The following CHRM3 variants were observed in gnomAD, a reference collection of about 807,000 sequenced individuals.
The protein encoded by CHRM3 is cholinergic receptor muscarinic 3, also known as muscarinic acetylcholine receptor M3.
A neutral mutation model predicts 41.8 loss-of-function variants in CHRM3; 11 were observed. The observed-to-expected ratio is 0.26, with a 90% CI of 0.17 to 0.44. The LOEUF is 0.44. Among genes scored for constraint, CHRM3 ranks in the 20% least tolerant of loss-of-function variants. The probability of loss-of-function intolerance (pLI) is 1.00; values close to 1 mark genes in which losing one functional copy is unlikely to be tolerated. For synonymous variants in CHRM3, 297 were observed against 301.4 expected (o/e 0.99, Z 0.15); for missense variants, 571 against 745.4 (o/e 0.77, Z 2.72).
chr1:239,496,094 C>CT (rs1226547257), intron 2 of CHRM3, among the ~76,000 whole-genome samples: 6 of 152,048 alleles, frequency 3.9e-5, no homozygotes, highest in Non-Finnish European at 8.8e-5. Context: ...TAAAATAATA[C>CT]TTTTACGACT....
At chr1:239,624,239 C>A (rs1194430780) in intron 3 of CHRM3, among the ~76,000 whole-genome samples, 1 of 9,250 alleles carries the variant, frequency 1.1e-4, no homozygotes. Context: ...TTGCATTTCT[C>A]TGATGGCCAG....
intron 6 of CHRM3, among the ~76,000 whole-genome samples, chr1:239,867,609 C>A (rs1676223002): frequency 6.6e-6 from 1 of 151,764 alleles, no homozygotes; most frequent in Non-Finnish European, 1.5e-5. Context: ...TTGTTTGAAC[C>A]CAGGAAGCAG....
intron 2 of CHRM3, among the ~76,000 whole-genome samples, chr1:239,496,580 A>G (rs536113233): frequency 1.3e-5 from 2 of 151,548 alleles, no homozygotes; most frequent in Admixed American, 1.3e-4. Flanking sequence ...ATCTCCAATG[A>G]CAACCTTTGT....
At chr1:239,861,219 A>C in intron 6 of CHRM3, among the ~76,000 whole-genome samples, 1 of 152,314 alleles carries the variant, frequency 6.6e-6, no homozygotes, top group Non-Finnish European at 1.5e-5. Flanking sequence ...TTAGTCTAAT[A>C]ATCACATAAA....
chr1:239,616,176 T>C (rs1320405692), intron 3 of CHRM3, among the ~76,000 whole-genome samples: 1 of 152,208 alleles, frequency 6.6e-6, no homozygotes, highest in Admixed American at 6.5e-5. Flanking sequence ...TTGCTGCTAA[T>C]AGACTTGTTG....
At chr1:239,889,263 G>A (rs1430488722) in intron 6 of CHRM3, among the ~76,000 whole-genome samples, 3 of 152,112 alleles carry the variant, frequency 2.0e-5, no homozygotes, top group African/African-American at 7.2e-5. Flanking sequence ...CTTAGGGCAC[G>A]AAAAACTGGC....
Position 239,750,282 on chromosome 1 carries a change from G to A in CHRM3, c.-147+71994G>A, listed in dbSNP as rs147890428. ...TGGAGAGATGTAAAAGCACTTGGAAGAAAGTACATGAAAGGCTAAAATAAT... is the reference window on the plus strand; with the variant it reads ...TGGAGAGATGTAAAAGCACTTGGAAAAAAGTACATGAAAGGCTAAAATAAT... On this transcript the variant is annotated intron_variant, in intron 5 of 6. Transcript: ENST00000676153. Among the ~76,000 whole-genome samples, 644 of 152,254 alleles carry A rather than the reference G, an allele frequency of 4.2e-3. 4 individuals are homozygous for A. Among genetic ancestry groups the A allele is most frequent in the African/African-American group, 0.01 (419 of 41,538 alleles).
chr1:239,688,216 C>A (rs1659336159), intron 5 of CHRM3, among the ~76,000 whole-genome samples: 1 of 147,988 alleles, frequency 6.8e-6, no homozygotes, highest in Admixed American at 6.8e-5. Context: ...ATATATAAAA[C>A]ACATGCACAT....
At chr1:239,620,860 T>C (rs1461753730) in intron 3 of CHRM3, among the ~76,000 whole-genome samples, 6 of 152,128 alleles carry the variant, frequency 3.9e-5, no homozygotes, top group Non-Finnish European at 8.8e-5. Flanking sequence ...TACTGTTTCG[T>C]GAGAAGGGCA....
chr1:239,795,639 T>C (rs1032737764), intron 5 of CHRM3, among the ~76,000 whole-genome samples: 1 of 152,202 alleles, frequency 6.6e-6, no homozygotes, highest in Admixed American at 6.6e-5. Flanking sequence ...TATATTTGTT[T>C]CCATCTTCCT....
In CHRM3 at chr1:239,386,629, G is replaced by C. The variant is rs902750158; in HGVS notation, c.-1119G>C. The C allele has an allele frequency of 6.5e-6, 1 of 154,356 alleles. No individual in the cohort carries two copies. The highest frequency in any genetic ancestry group is 6.5e-5 in the Admixed American group (1 of 15,300). 9.6% of individuals were successfully genotyped at this position (154,356 alleles called of 1,614,324 possible). ...GGAGGAACGCGAGGAGGAAGGAGAGGAGGAGCGGCCAGCAGTAGCCACGAC... is the reference window on the plus strand; with the variant it reads ...GGAGGAACGCGAGGAGGAAGGAGAGCAGGAGCGGCCAGCAGTAGCCACGAC... On this transcript the variant is annotated 5_prime_UTR_variant, in exon 1 of 7. Transcript: ENST00000676153.
rs1268810637 is a variant in CHRM3, at chr1:239,881,175, C to A, written c.-19-26258C>A. ...GTGGGCGCCTGTAGTCCCAGCTTCT[C>A]GGGAGGCTGAGGCAGGAGAATGGCG... On this transcript the variant is annotated intron_variant, in intron 6 of 6. Transcript: ENST00000676153. Among the ~76,000 whole-genome samples the A allele has an allele frequency of 2.1e-5, 3 of 142,098 alleles. No homozygotes were observed. The South Asian group carries it at 7.1e-4, about 34-fold the overall frequency. The allele number at this position is 142,098 out of a possible 152,430, so 93.2% of individuals were successfully genotyped here. A position where few individuals can be genotyped will look rare whatever the true frequency, so the allele number is the denominator to read the frequency against.
At chr1:239,638,158 A>G (rs1471471910) in intron 4 of CHRM3, among the ~76,000 whole-genome samples, 3 of 150,380 alleles carry the variant, frequency 2.0e-5, no homozygotes, top group East Asian at 3.9e-4. Context: ...AATCCAGTCT[A>G]TCATTGTTGG....
intron 1 of CHRM3, among the ~76,000 whole-genome samples, chr1:239,399,561 CT>C: frequency 6.6e-6 from 1 of 152,240 alleles, no homozygotes; most frequent in East Asian, 1.9e-4. Flanking sequence ...ATAAGTTCCA[CT>C]TTTTGGGATT....
chr1:239,458,197 A>G (rs1338248838), intron 1 of CHRM3, among the ~76,000 whole-genome samples: 2 of 152,244 alleles, frequency 1.3e-5, no homozygotes, highest in Non-Finnish European at 1.5e-5. Flanking sequence ...AACGTTATCA[A>G]GAAAAATGAA....
intron 1 of CHRM3, among the ~76,000 whole-genome samples, chr1:239,420,523 G>A (rs1406326411): frequency 6.6e-6 from 1 of 152,118 alleles, no homozygotes; most frequent in East Asian, 1.9e-4. Context: ...TTGAGTTTTT[G>A]CAAACTTAAG....
chr1:239,571,396 C>T (rs1661811648), intron 3 of CHRM3, among the ~76,000 whole-genome samples: 1 of 152,142 alleles, frequency 6.6e-6, no homozygotes, highest in South Asian at 2.1e-4. Flanking sequence ...GCTGACTGTC[C>T]AGCACTTCAA....
At chr1:239,435,104 C>T (rs959392639) in intron 1 of CHRM3, among the ~76,000 whole-genome samples, 6 of 152,180 alleles carry the variant, frequency 3.9e-5, no homozygotes, top group South Asian at 2.1e-4. Flanking sequence ...TGTAACTTTT[C>T]GGAAATTAAA....
intron 5 of CHRM3, among the ~76,000 whole-genome samples, chr1:239,700,882 A>G (rs1167474110): frequency 6.6e-6 from 1 of 152,082 alleles, no homozygotes; most frequent in Non-Finnish European, 1.5e-5. Flanking sequence ...ACCACCCTGA[A>G]TGTGCCTGAT....
Sources: allele counts gnomAD v4.1 joint callset (sites outside exome capture counted in the v4.1 genomes callset), GRCh38; gene constraint gnomAD v4.1.1; transcripts MANE v1.5; gene names NCBI Gene and HGNC (gene_info 2026-07-23, HGNC 2026-07-21).